The following SKAP2 variants were observed in gnomAD, a reference collection of about 807,000 sequenced individuals.
SKAP2 encodes src kinase associated phosphoprotein 2, also known as src kinase-associated phosphoprotein 2.
SKAP2 carries 28 observed loss-of-function variants against 54.9 expected under a neutral mutation model. The ratio of observed to expected loss-of-function variants is 0.51; its 90% CI spans 0.38 to 0.70. The LOEUF is 0.70. SKAP2 is among the 30% of genes least tolerant of loss of function. SKAP2 has a pLI of 0.00. For synonymous variants in SKAP2, 137 were observed against 134.3 expected, an observed-to-expected ratio of 1.02 and a Z score of -0.14; for missense variants, 356 against 424.1, an observed-to-expected ratio of 0.84 and a Z score of 1.41.
intron 4 of SKAP2, among the ~76,000 whole-genome samples, chr7:26,751,124 C>G (rs1311629974): frequency 6.6e-6 from 1 of 151,936 alleles, no homozygotes; most frequent in Non-Finnish European, 1.5e-5. Context: ...TAGGAATATG[C>G]AGAGTTATAA....
intron 9 of SKAP2, among the ~76,000 whole-genome samples, chr7:26,702,150 T>C (rs1787041177): frequency 6.6e-6 from 1 of 152,186 alleles, no homozygotes; most frequent in South Asian, 2.1e-4. Context: ...GTTTGAACTA[T>C]ATTTTTTGTT....
chr7:26,770,239 G>A (rs1377220596), intron 4 of SKAP2, among the ~76,000 whole-genome samples: 1 of 152,118 alleles, frequency 6.6e-6, no homozygotes, highest in Non-Finnish European at 1.5e-5. Context: ...CTTCTGGGTG[G>A]CTTTGTTTAC....
chr7:26,849,405 A>G lies in SKAP2; in HGVS notation c.199+4732T>C, dbSNP rs1256061946. Among the ~76,000 whole-genome samples, 4 of 152,110 alleles carry G rather than the reference A, an allele frequency of 2.6e-5. No homozygotes were observed. In the East Asian group the frequency reaches 7.7e-4, roughly 29 times the overall value. On this transcript the variant is annotated intron_variant, in intron 3 of 12. Coordinates refer to ENST00000345317, the MANE Select transcript of SKAP2 (RefSeq NM_003930.5). ...CCCCTTTTTCAAAACTGTAGACACT[A>G]GGCCGGGCACAGTGGTCCACACCTG...
At chr7:26,790,284 C>G (rs1783646737) in intron 4 of SKAP2, among the ~76,000 whole-genome samples, 1 of 152,152 alleles carries the variant, frequency 6.6e-6, no homozygotes, top group African/African-American at 2.4e-5. Flanking sequence ...GTTTGCTGAC[C>G]TAGCAGTGAA....
intron 4 of SKAP2, among the ~76,000 whole-genome samples, chr7:26,843,168 A>G (rs1366360672): frequency 3.3e-5 from 5 of 152,070 alleles, no homozygotes; most frequent in Non-Finnish European, 7.4e-5. Context: ...TGCAGGAAGC[A>G]TATTTTCATT....
chr7:26,676,082 T>C (rs1406656578), intron 11 of SKAP2, among the ~76,000 whole-genome samples: 3 of 152,232 alleles, frequency 2.0e-5, no homozygotes, highest in African/African-American at 7.2e-5. Flanking sequence ...ATTTATATTC[T>C]TCATTGAGAC....
intron 6 of SKAP2, among the ~76,000 whole-genome samples, chr7:26,737,159 T>C (rs1404186297): frequency 6.6e-6 from 1 of 152,134 alleles, no homozygotes; most frequent in Non-Finnish European, 1.5e-5. Flanking sequence ...ATCTGAAACC[T>C]CCCTCCCCTG....
chr7:26,759,996 G>A (rs970071655), intron 4 of SKAP2, among the ~76,000 whole-genome samples: 11 of 152,106 alleles, frequency 7.2e-5, no homozygotes, highest in Admixed American at 2.6e-4. Context: ...ACACTGAAAA[G>A]TGATGAACAA....
the SKAP2 span, among the ~76,000 whole-genome samples, chr7:26,658,008 G>A: frequency 6.6e-6 from 1 of 152,102 alleles, no homozygotes; most frequent in Non-Finnish European, 1.5e-5. Flanking sequence ...GCATTTGGCG[G>A]TGATCAGAGA....
At chr7:26,781,728 C>T (rs573315537) in intron 4 of SKAP2, among the ~76,000 whole-genome samples, 7 of 152,290 alleles carry the variant, frequency 4.6e-5, no homozygotes, top group East Asian at 3.9e-4. Flanking sequence ...CCAAGACCTA[C>T]GATCTGACCT....
rs528755615 is a variant in SKAP2, at chr7:26,825,862, C to A, written c.307+18168G>T. Among the ~76,000 whole-genome samples, 9 of 152,266 alleles carry A rather than the reference C, an allele frequency of 5.9e-5. No homozygotes were observed. The South Asian group carries it at 1.9e-3, about 32-fold the overall frequency. On this transcript the variant is annotated intron_variant, in intron 4 of 12. Transcript: ENST00000345317. Reference sequence around the variant, plus strand: ...CTGAATGTATATCTATAACTATTATCTATCCCAGCCTTTTATTCTCTCTAT... The same window carrying A: ...CTGAATGTATATCTATAACTATTATATATCCCAGCCTTTTATTCTCTCTAT...
At chr7:26,713,890 C>T (rs1433520285) in intron 9 of SKAP2, among the ~76,000 whole-genome samples, 6 of 152,002 alleles carry the variant, frequency 3.9e-5, no homozygotes, top group African/African-American at 9.7e-5. Context: ...TGAGCCATCG[C>T]GCCCGACCTA....
At chr7:26,717,761 G>C (rs1357668306) in intron 9 of SKAP2, among the ~76,000 whole-genome samples, 2 of 151,138 alleles carry the variant, frequency 1.3e-5, no homozygotes, top group African/African-American at 4.8e-5. Flanking sequence ...GAACCTCGGG[G>C]GTAGAGGTTG....
chr7:26,726,706 C>A, intron 7 of SKAP2, 176 bp downstream of exon 7: 1 of 474,094 alleles, frequency 2.1e-6, no homozygotes. Flanking sequence ...GTGAATTAAT[C>A]TGAAATTTTT....
chr7:26,677,579 T>C (rs926150291), intron 11 of SKAP2, among the ~76,000 whole-genome samples: 11 of 152,202 alleles, frequency 7.2e-5, no homozygotes, highest in Admixed American at 1.3e-4. Flanking sequence ...CATTTATACA[T>C]AAAGTTCCAG....
intron 9 of SKAP2, among the ~76,000 whole-genome samples, chr7:26,721,321 T>A (rs759794254): frequency 2.5e-4 from 38 of 152,296 alleles, no homozygotes; most frequent in Middle Eastern, 6.8e-3. Flanking sequence ...AGCATTTGTG[T>A]CCATTTGCTG....
intron 9 of SKAP2, among the ~76,000 whole-genome samples, chr7:26,711,602 G>A (rs1293089905): frequency 6.6e-6 from 1 of 152,212 alleles, no homozygotes; most frequent in Non-Finnish European, 1.5e-5. Context: ...AAGGGTTAGT[G>A]AAGAGTTCAG....
intron 4 of SKAP2, among the ~76,000 whole-genome samples, chr7:26,819,184 AATG>A (rs1413560175): frequency 6.6e-6 from 1 of 152,202 alleles, no homozygotes; most frequent in Non-Finnish European, 1.5e-5. Flanking sequence ...AATGCCCATC[AATG>A]ATAGACTGGA....
At chr7:26,818,025 T>A (rs558737943) in intron 4 of SKAP2, among the ~76,000 whole-genome samples, 7 of 152,290 alleles carry the variant, frequency 4.6e-5, no homozygotes, top group African/African-American at 1.7e-4. Context: ...AAGTAATTTA[T>A]AGATTCAATG....
Sources: allele counts gnomAD v4.1 joint callset (sites outside exome capture counted in the v4.1 genomes callset), GRCh38; gene constraint gnomAD v4.1.1; transcripts MANE v1.5; gene names NCBI Gene and HGNC (gene_info 2026-07-23, HGNC 2026-07-21).